The following EFCAB6 variants were observed in gnomAD, a reference collection of about 807,000 sequenced individuals.
EFCAB6 encodes the protein EF-hand calcium-binding domain-containing protein 6.
Under a neutral mutation model 169.8 loss-of-function variants are expected in EFCAB6, and 156 were observed. The ratio of observed to expected loss-of-function variants is 0.92; its 90% CI spans 0.81 to 1.05. The LOEUF is 1.05. Ranked by LOEUF, EFCAB6 falls within the 50% of genes least tolerant of loss-of-function variation. The pLI is 0.00. For synonymous variants in EFCAB6, 698 were observed against 676.4 expected, an observed-to-expected ratio of 1.03 and a Z score of -0.50; for missense variants, 1,800 against 1,829.1, an observed-to-expected ratio of 0.98 and a Z score of 0.29.
At chr22:43,757,850 G>C (rs2061013919) in intron 5 of EFCAB6, among the ~76,000 whole-genome samples, 1 of 152,176 alleles carries the variant, frequency 6.6e-6, no homozygotes, top group African/African-American at 2.4e-5. Flanking sequence ...CCCAGCCTAT[G>C]ACCATTTATT....
At chr22:43,571,582 C>T (rs2049877623) in intron 26 of EFCAB6, among the ~76,000 whole-genome samples, 1 of 152,176 alleles carries the variant, frequency 6.6e-6, no homozygotes, top group Non-Finnish European at 1.5e-5. Flanking sequence ...TCCCCGGCTG[C>T]CTTCCCCTGC....
intron 25 of EFCAB6, among the ~76,000 whole-genome samples, chr22:43,579,730 G>A (rs1385362243): frequency 6.7e-6 from 1 of 149,190 alleles, no homozygotes. Context: ...ATACATGCAG[G>A]CATCATTCCC....
rs530062540 is a variant in EFCAB6, at chr22:43,615,786, T to C, written c.2562+40A>G. 5.2e-6 allele frequency: 8 copies of C among 1,551,658 alleles called. No individual in the cohort carries two copies. In the Admixed American group the frequency reaches 6.9e-5, roughly 13 times the overall value. Reference sequence around the variant, plus strand: ...TCCCAGTGATCTTGAAACATTGAAATAGATTTTCTTTCCTTTTAAGGAAAT... The same window carrying C: ...TCCCAGTGATCTTGAAACATTGAAACAGATTTTCTTTCCTTTTAAGGAAAT... On this transcript the variant is annotated intron_variant, in intron 21 of 31. Coordinates refer to ENST00000262726, the MANE Select transcript of EFCAB6 (RefSeq NM_022785.4).
At chr22:43,559,840 C>T (rs2048921923) in intron 26 of EFCAB6, among the ~76,000 whole-genome samples, 1 of 151,404 alleles carries the variant, frequency 6.6e-6, no homozygotes, top group African/African-American at 2.4e-5. Flanking sequence ...GGGAGGGGAA[C>T]ATCACACACT....
At chr22:43,805,719 A>G (rs1480284713) in intron 2 of EFCAB6, among the ~76,000 whole-genome samples, 1 of 152,246 alleles carries the variant, frequency 6.6e-6, no homozygotes, top group Non-Finnish European at 1.5e-5. Flanking sequence ...TGGTTCTAAC[A>G]TAAAGAAAAG....
At chr22:43,688,578 G>A (rs2058288192) in intron 10 of EFCAB6, among the ~76,000 whole-genome samples, 1 of 152,178 alleles carries the variant, frequency 6.6e-6, no homozygotes, top group African/African-American at 2.4e-5. Context: ...CTACTGATGT[G>A]ACCTCAGACT....
At chr22:43,681,086 T>A (rs1250168282) in intron 12 of EFCAB6, among the ~76,000 whole-genome samples, 2 of 152,250 alleles carry the variant, frequency 1.3e-5, no homozygotes, top group Non-Finnish European at 2.9e-5. Context: ...ACTGTGCTGC[T>A]GGCTATGGGT....
At chr22:43,701,310 G>T (rs1265112774) in intron 10 of EFCAB6, among the ~76,000 whole-genome samples, 1 of 152,148 alleles carries the variant, frequency 6.6e-6, no homozygotes, top group Non-Finnish European at 1.5e-5. Flanking sequence ...GTAGAATTCA[G>T]CAGATTCTTC....
chr22:43,699,524 T>G (rs556970375), intron 10 of EFCAB6, among the ~76,000 whole-genome samples: 75 of 152,268 alleles, frequency 4.9e-4, no homozygotes, highest in African/African-American at 1.8e-3. Flanking sequence ...CTCACATCAG[T>G]CACTCTTTTT....
intron 22 of EFCAB6, among the ~76,000 whole-genome samples, chr22:43,604,000 A>C (rs1005900001): frequency 6.6e-6 from 1 of 152,076 alleles, no homozygotes; most frequent in Non-Finnish European, 1.5e-5. Flanking sequence ...TGAAGGTTTG[A>C]AAGTGTGTGG....
Position 43,599,329 on chromosome 22 carries a change from G to A in EFCAB6, c.2876+740C>T, listed in dbSNP as rs570380736. 2.6e-5 allele frequency among the ~76,000 whole-genome samples: 4 copies of A among 151,926 alleles called. No individual in the cohort carries two copies. In the East Asian group the frequency reaches 7.8e-4, roughly 29 times the overall value. On this transcript the variant is annotated intron_variant, in intron 23 of 31. Transcript: ENST00000262726. ...GTTCAAGACCAGCCTGGCCAACATG[G>A]TGAAACCTCACCTCTACTAAAAATA...
intron 7 of EFCAB6, among the ~76,000 whole-genome samples, chr22:43,733,577 G>A (rs952473595): frequency 6.6e-6 from 1 of 152,162 alleles, no homozygotes; most frequent in African/African-American, 2.4e-5. Flanking sequence ...AGAGGGTAAA[G>A]GGCATTCACG....
At chr22:43,719,655 T>G (rs1303043148) in intron 8 of EFCAB6, among the ~76,000 whole-genome samples, 1 of 152,236 alleles carries the variant, frequency 6.6e-6, no homozygotes, top group Non-Finnish European at 1.5e-5. Flanking sequence ...AAAAATTTGC[T>G]GACTGGCTCT....
At chr22:43,746,125 C>T (rs1463916399) in intron 6 of EFCAB6, among the ~76,000 whole-genome samples, 2 of 152,176 alleles carry the variant, frequency 1.3e-5, no homozygotes, top group Non-Finnish European at 2.9e-5. Flanking sequence ...CGGGGACAAG[C>T]GGGAAGCGGG....
chr22:43,726,685 G>C (rs2059751413), intron 8 of EFCAB6, among the ~76,000 whole-genome samples: 1 of 152,212 alleles, frequency 6.6e-6, no homozygotes, highest in South Asian at 2.1e-4. Flanking sequence ...AAAAGGAAGA[G>C]AGGCATAAAG....
intron 19 of EFCAB6, among the ~76,000 whole-genome samples, chr22:43,631,782 C>G (rs2054962920): frequency 1.3e-5 from 2 of 152,024 alleles, no homozygotes; most frequent in African/African-American, 4.8e-5. Flanking sequence ...ATGAGGGAAT[C>G]AATGAGGGAA....
At chr22:43,720,966 C>T (rs1375447606) in intron 8 of EFCAB6, among the ~76,000 whole-genome samples, 1 of 152,116 alleles carries the variant, frequency 6.6e-6, no homozygotes, top group Non-Finnish European at 1.5e-5. Flanking sequence ...TGATTCTATA[C>T]CTAGAAAACC....
chr22:43,581,075 T>A (rs912770024), intron 24 of EFCAB6, among the ~76,000 whole-genome samples: 3 of 152,080 alleles, frequency 2.0e-5, no homozygotes, highest in African/African-American at 4.8e-5. Context: ...GGAAGATAAA[T>A]CTGACAGCGG....
Position 43,537,463 on chromosome 22 carries a change from A to G in EFCAB6, c.3962T>C (p.Ile1321Thr). 2 of 1,613,844 alleles carry G rather than the reference A, an allele frequency of 1.2e-6. No individual in the cohort carries two copies. Among genetic ancestry groups the G allele is most frequent in the Non-Finnish European group, 1.7e-6 (2 of 1,180,000 alleles). The change falls in exon 29 of 32, where the codon ATC (isoleucine) becomes ACC (threonine). Residue 1321 changes from isoleucine (I) to threonine (T), a missense_variant. Coordinates refer to ENST00000262726, the MANE Select transcript of EFCAB6 (RefSeq NM_022785.4). This position sits in a 1 kb window ranked among gnomAD's most constrained non-coding sequence, Gnocchi z 4.3. ...CAGGAGCTGGCGCCAGCAGCCCTGG[A>G]TTCTCTTCCGGAGCCTGCTCTCTAT... ...DPIESRLRKRIQGCWRQLLKE... is the reference protein window; with the variant it reads ...DPIESRLRKRTQGCWRQLLKE...
Sources: allele counts gnomAD v4.1 joint callset (sites outside exome capture counted in the v4.1 genomes callset), GRCh38; gene constraint gnomAD v4.1.1; non-coding constraint Gnocchi (gnomAD v3.1); transcripts MANE v1.5; gene names NCBI Gene and HGNC (gene_info 2026-07-23, HGNC 2026-07-21).